Variants in PARP8 observed in about 807,000 individuals in gnomAD.
The protein encoded by PARP8 is poly(ADP-ribose) polymerase family member 8.
A neutral mutation model predicts 124.1 loss-of-function variants in PARP8; 51 were observed. The observed-to-expected ratio is 0.41, with a 90% confidence interval of 0.33 to 0.52. PARP8 has a LOEUF of 0.52. PARP8 is among the 20% of genes least tolerant of loss of function. The pLI, the probability that PARP8 is intolerant of heterozygous loss-of-function variation, is 0.21. For missense variants in PARP8, 860 were observed against 1,018.9 expected, an observed-to-expected ratio of 0.84 and a Z score of 2.12; for synonymous variants, 391 against 361.5, an observed-to-expected ratio of 1.08 and a Z score of -0.93.
intron 3 of PARP8, among the ~76,000 whole-genome samples, chr5:50,754,575 G>T (rs910412998): frequency 6.6e-6 from 1 of 152,038 alleles, no homozygotes; most frequent in African/African-American, 2.4e-5. Context: ...TCTTAATCCA[G>T]TCTATCATTG....
intron 14 of PARP8, among the ~76,000 whole-genome samples, chr5:50,815,219 T>G (rs1052169411): frequency 6.6e-6 from 1 of 152,124 alleles, no homozygotes; most frequent in Non-Finnish European, 1.5e-5. Flanking sequence ...AAAGGATCTT[T>G]TTTATAATAT....
At chr5:50,707,839 A>G (rs551156162) in intron 2 of PARP8, among the ~76,000 whole-genome samples, 1 of 152,184 alleles carries the variant, frequency 6.6e-6, no homozygotes, top group African/African-American at 2.4e-5. Flanking sequence ...TTAGAACAAT[A>G]TGCGTGAGTT....
intron 3 of PARP8, among the ~76,000 whole-genome samples, chr5:50,758,930 G>A (rs757399003): frequency 2.6e-5 from 4 of 152,118 alleles, no homozygotes; most frequent in African/African-American, 4.8e-5. Flanking sequence ...CACTCAACTT[G>A]TATAATGCAT....
Position 50,815,533 on chromosome 5 carries a change from A to G in PARP8, c.1668+9A>G, listed in dbSNP as rs1213011358. 1 of 1,560,904 alleles carries G rather than the reference A, an allele frequency of 6.4e-7. No homozygotes were observed. ...TAGCAACTGGAGCTCAGGTAGTAAC[A>G]CAGGATACTAATTATTTCTTATTTT... On this transcript the variant is annotated intron_variant, in intron 15 of 25. Transcript: ENST00000281631.
At chr5:50,806,509 C>T (rs551868969) in intron 14 of PARP8, among the ~76,000 whole-genome samples, 1 of 152,008 alleles carries the variant, frequency 6.6e-6, no homozygotes, top group East Asian at 1.9e-4. Context: ...CTAAAAGTGG[C>T]TGTGCTTTTT....
chr5:50,698,733 A>G (rs1753286307), intron 2 of PARP8, among the ~76,000 whole-genome samples: 1 of 152,198 alleles, frequency 6.6e-6, no homozygotes, highest in Non-Finnish European at 1.5e-5. Flanking sequence ...GTGAACCAGA[A>G]AAATCTCAAA....
At chr5:50,835,108 A>T in intron 25 of PARP8, 93 bp downstream of exon 25, 1 of 946,922 alleles carries the variant, frequency 1.1e-6, no homozygotes, top group South Asian at 1.4e-5. Flanking sequence ...TAGCTGCCAA[A>T]ATATAACAGG....
At chr5:50,797,259 G>T (rs138444147) in intron 14 of PARP8, 26 bp downstream of exon 14, 2 of 1,484,148 alleles carry the variant, frequency 1.3e-6, no homozygotes, top group Non-Finnish European at 1.9e-6. Context: ...TAGAATGTCC[G>T]TGTTGGTTTA....
In PARP8 at chr5:50,844,342, A is replaced by G. The variant is rs1748453682; in HGVS notation, c.*2274A>G. 1 of 151,814 alleles carries G rather than the reference A, an allele frequency of 6.6e-6. No individual in the cohort carries two copies. The highest frequency in any genetic ancestry group is 2.4e-5 in the African/African-American group (1 of 41,406). The allele number at this position is 151,814 out of a possible 1,614,324, so 9.4% of individuals were successfully genotyped here. A position where few individuals can be genotyped will look rare whatever the true frequency, so the allele number is the denominator to read the frequency against. ...TTTGTAAGCAAATATTCTAAGGAGAATCAATCTTATTTTTTAATTGAACTT... is the reference window on the plus strand; with the variant it reads ...TTTGTAAGCAAATATTCTAAGGAGAGTCAATCTTATTTTTTAATTGAACTT... On this transcript the variant is annotated 3_prime_UTR_variant, in exon 26 of 26. Coordinates refer to ENST00000281631, the MANE Select transcript of PARP8 (RefSeq NM_024615.4).
At chr5:50,761,396 T>G (rs545966768) in intron 5 of PARP8, among the ~76,000 whole-genome samples, 141 of 152,254 alleles carry the variant, frequency 9.3e-4, no homozygotes, top group African/African-American at 3.1e-3. Flanking sequence ...ATTATTGCAT[T>G]TAAAGTTTCT....
At chr5:50,708,138 A>G (rs1754354476) in intron 2 of PARP8, among the ~76,000 whole-genome samples, 1 of 152,102 alleles carries the variant, frequency 6.6e-6, no homozygotes, top group African/African-American at 2.4e-5. Context: ...TAATTTAAGA[A>G]CATTAGTCAT....
intron 11 of PARP8, 106 bp downstream of exon 11, chr5:50,794,438 T>C (rs1742295876): frequency 7.6e-7 from 1 of 1,313,304 alleles, no homozygotes; most frequent in East Asian, 2.4e-5. Context: ...TTATTTTCTT[T>C]ATAACCTCTA....
intron 15 of PARP8, among the ~76,000 whole-genome samples, chr5:50,820,389 G>A (rs1346616841): frequency 1.3e-5 from 2 of 152,192 alleles, no homozygotes; most frequent in Non-Finnish European, 2.9e-5. Flanking sequence ...TGACCATTTA[G>A]GCAGTATCAG....
At chr5:50,813,101 T>A (rs955771720) in intron 14 of PARP8, among the ~76,000 whole-genome samples, 1 of 152,196 alleles carries the variant, frequency 6.6e-6, no homozygotes, top group African/African-American at 2.4e-5. Context: ...CATATGAACT[T>A]TAAAGTAGTT....
chr5:50,774,807 A>ATG (rs1739762432), intron 7 of PARP8, among the ~76,000 whole-genome samples: 15 of 77,540 alleles, frequency 1.9e-4, no homozygotes, highest in Admixed American at 3.9e-4. Context: ...TTCCCAGACG[A>ATG]GGCGGCCGGG....
intron 2 of PARP8, among the ~76,000 whole-genome samples, chr5:50,683,361 G>T (rs1224631672): frequency 6.6e-6 from 1 of 152,126 alleles, no homozygotes; most frequent in Non-Finnish European, 1.5e-5. Flanking sequence ...GAGACAGGGA[G>T]ATGTTTTTCT....
intron 14 of PARP8, among the ~76,000 whole-genome samples, chr5:50,797,874 C>T (rs1356206081): frequency 6.6e-6 from 1 of 152,002 alleles, no homozygotes; most frequent in Non-Finnish European, 1.5e-5. Context: ...TTCATATATT[C>T]ACAATATTAT....
intron 2 of PARP8, among the ~76,000 whole-genome samples, chr5:50,732,932 T>G (rs1432401450): frequency 6.6e-6 from 1 of 151,872 alleles, no homozygotes; most frequent in African/African-American, 2.4e-5. Context: ...CTTTTAAGTG[T>G]AGGAAATGAA....
intron 6 of PARP8, 95 bp downstream of exon 6, chr5:50,761,993 G>A: frequency 1.5e-6 from 1 of 678,482 alleles, no homozygotes; most frequent in Non-Finnish European, 2.5e-6. Flanking sequence ...AGGGACCTGT[G>A]TGTTGTTCAG....
Sources: gnomAD v4.1 joint callset for allele counts (sites outside exome capture counted in the v4.1 genomes callset) on GRCh38, gnomAD v4.1.1 for gene constraint, MANE v1.5 for transcripts, NCBI Gene and HGNC (gene_info 2026-07-23, HGNC 2026-07-21) for gene names.